ICAM3: variants seen among roughly 807,000 people sequenced by gnomAD.
ICAM3 encodes ICAM-3.
Under a neutral mutation model 43.6 loss-of-function variants are expected in ICAM3, and 54 were observed. The ratio of observed to expected loss-of-function variants is 1.24; its 90% confidence interval spans 0.99 to 1.55. The LOEUF (loss-of-function observed/expected upper bound fraction) is 1.55. Ranked by LOEUF, ICAM3 falls within the 40% of genes most tolerant of loss-of-function variation. The pLI, the probability that ICAM3 is intolerant of heterozygous loss-of-function variation, is 0.00. For synonymous variants in ICAM3, 306 were observed against 312.6 expected, an observed-to-expected ratio of 0.98 and a Z score of 0.22; for missense variants, 715 against 717.9, an observed-to-expected ratio of 1.00 and a Z score of 0.05.
chr19:10,336,852 G>A (rs1376015211), intron 2 of ICAM3, among the ~76,000 whole-genome samples: 3 of 146,946 alleles, frequency 2.0e-5, no homozygotes, highest in African/African-American at 7.5e-5. Flanking sequence ...ACTCATGCCT[G>A]TAATCCCACC....
intron 2 of ICAM3, 113 bp from the exon 3 acceptor site, chr19:10,336,089 A>G: frequency 1.0e-6 from 1 of 974,124 alleles, no homozygotes; most frequent in Non-Finnish European, 1.5e-6. Flanking sequence ...CTTTGAGTTA[A>G]TAAACTTAGA....
chr19:10,333,962 G>T lies in ICAM3; in HGVS notation c.1539C>A (p.His513Gln). 1 of 1,614,148 alleles carries T rather than the reference G, an allele frequency of 6.2e-7. No individual in the cohort carries two copies. Among genetic ancestry groups the T allele is most frequent in the Non-Finnish European group, 8.5e-7 (1 of 1,180,024 alleles). Residue 513 changes from histidine (H) to glutamine (Q), a missense_variant, in exon 7 of 7, where the codon CAC becomes CAA. Coordinates refer to ENST00000160262, the MANE Select transcript of ICAM3 (RefSeq NM_002162.5). The surrounding 1 kb of genome is among the most constrained non-coding windows in gnomAD (Gnocchi z 4.2). ...VLALMYVFRE[H>Q]QRSGSYHVRE... Reference sequence around the variant, plus strand: ...TAACATGGTAACTGCCGCTCCGTTGGTGCTCCCTGAAGACGTACATTAAGG... The same window carrying T: ...TAACATGGTAACTGCCGCTCCGTTGTTGCTCCCTGAAGACGTACATTAAGG...
Position 10,335,882 on chromosome 19 carries a change from G to A in ICAM3, c.438C>T (p.Pro146=), listed in dbSNP as rs1435989005. The A allele has an allele frequency of 6.2e-7, 1 of 1,605,628 alleles. No homozygotes were observed. Among genetic ancestry groups the A allele is most frequent in the Non-Finnish European group, 8.5e-7 (1 of 1,178,544 alleles). The stretch of plus-strand genomic sequence containing the variant: ...GCAGCACCACCGTGAGGCTGGTCCG[G>A]GGCGACCCATCCTCCACTTGGCAGC... ...TLRCQVEDGS[P]RTSLTVVLLR... is the part of the protein sequence containing the mutation. Residue 146 remains proline, a synonymous_variant, in exon 3 of 7, where the codon CCC becomes CCT. Coordinates refer to ENST00000160262, the MANE Select transcript of ICAM3 (RefSeq NM_002162.5).
chr19:10,336,804 C>CAAAAAAAAAA (rs34119863), intron 2 of ICAM3, among the ~76,000 whole-genome samples: 1 of 79,004 alleles, frequency 1.3e-5, no homozygotes, highest in Non-Finnish European at 2.4e-5. Context: ...GACTCTATGT[C>CAAAAAAAAAA]AAAAAAAAAA....
At position 10,335,342 on chromosome 19, in the gene ICAM3, T is replaced by C; in HGVS notation, c.661A>G (p.Thr221Ala). ...RQLRTFVLPV[T>A]PPRLVAPRFL... ...CGGGGGGCCACGAGGCGCGGGGGGG[T>C]CACGGGCAGGACTGGGGAGAAAGGT... Residue 221 changes from threonine to alanine, a missense_variant, in exon 4 of 7, where the codon ACC (threonine) becomes GCC (alanine). Physicochemically the swap from Thr to Ala is moderately conservative, Grantham distance 58. Coordinates refer to ENST00000160262, the MANE Select transcript of ICAM3 (RefSeq NM_002162.5). 6.2e-7 allele frequency: 1 copy of C among 1,605,172 alleles called. No individual in the cohort carries two copies.
In ICAM3 at chr19:10,335,274, T is replaced by C. The variant is rs1325386810; in HGVS notation, c.729A>G (p.Leu243=). The change falls in exon 4 of 7, where the codon CTA becomes CTG. Residue 243 remains leucine, a synonymous_variant. Transcript: ENST00000160262. The stretch of plus-strand genomic sequence containing the variant: ...CCTCTGAGGCTGGAAAAAGCCCGTC[T>C]AGGGTGCAGTCCACCGGCCACGACG... The part of the protein sequence containing the change: ...VETSWPVDCT[L]DGLFPASEAQ... The C allele has an allele frequency of 6.2e-7, 1 of 1,613,260 alleles. No homozygotes were observed. Among genetic ancestry groups the C allele is most frequent in the East Asian group, 2.2e-5 (1 of 44,870 alleles).
chr19:10,333,885 A>G lies in ICAM3; in HGVS notation c.1616T>C (p.Met539Thr), dbSNP rs765025664. The change falls in exon 7 of 7, where the codon ATG becomes ACG. Residue 539 changes from methionine to threonine, a missense_variant. Met to Thr is a moderately conservative substitution (Grantham distance 81, BLOSUM62 -1). Coordinates refer to ENST00000160262, the MANE Select transcript of ICAM3 (RefSeq NM_002162.5). The surrounding 1 kb of genome is among the most constrained non-coding windows in gnomAD (Gnocchi z 4.2). ...PLTSMQPTEA[M>T]GEEPSRAE Reference sequence around the variant, plus strand: ...CTCAGCTCTGGACGGTTCTTCCCCCATTGCTTCTGTCGGCTGCATAGACGT... The same window carrying G: ...CTCAGCTCTGGACGGTTCTTCCCCCGTTGCTTCTGTCGGCTGCATAGACGT... The G allele has an allele frequency of 2.5e-6, 4 of 1,613,796 alleles. No individual in the cohort carries two copies. The African/African-American group carries it at 5.3e-5, about 22-fold the overall frequency.
At position 10,333,872 on chromosome 19, in the gene ICAM3, C is replaced by A; in HGVS notation, c.1629G>T (p.Pro543=). The A allele has an allele frequency of 1.2e-6, 2 of 1,614,160 alleles. No homozygotes were observed. The highest frequency in any genetic ancestry group is 1.7e-6 in the Non-Finnish European group (2 of 1,180,016). Reference sequence around the variant, plus strand: ...GATCCCAGCGTCACTCAGCTCTGGACGGTTCTTCCCCCATTGCTTCTGTCG... The same window carrying A: ...GATCCCAGCGTCACTCAGCTCTGGAAGGTTCTTCCCCCATTGCTTCTGTCG... ...MQPTEAMGEE[P]SRAE is the part of the protein sequence containing the mutation. The change falls in exon 7 of 7, where the codon CCG becomes CCT. Residue 543 remains proline (P), a synonymous_variant. Transcript: ENST00000160262. The surrounding 1 kb of genome is among the most constrained non-coding windows in gnomAD (Gnocchi z 4.2).
Position 10,335,933 on chromosome 19 carries a change from C to T in ICAM3, c.387G>A (p.Gln129=), listed in dbSNP as rs1373305169. ...GCAGGGTGAAGTTCTGGCCCACCGGCTGCCAAGGAGGCAGGGGTGCCAGCT... is the reference window on the plus strand; with the variant it reads ...GCAGGGTGAAGTTCTGGCCCACCGGTTGCCAAGGAGGCAGGGGTGCCAGCT... ...RVELAPLPPW[Q]PVGQNFTLRC... is the part of the protein sequence containing the mutation. Residue 129 remains glutamine (Q), a synonymous_variant, in exon 3 of 7, where the codon CAG becomes CAA. Coordinates refer to ENST00000160262, the MANE Select transcript of ICAM3 (RefSeq NM_002162.5). 6.3e-7 allele frequency: 1 copy of T among 1,582,534 alleles called. No homozygotes were observed. The highest frequency in any genetic ancestry group is 1.1e-5 in the South Asian group (1 of 88,328).
chr19:10,336,285 C>T, intron 2 of ICAM3: 1 of 350,788 alleles, frequency 2.9e-6, no homozygotes, highest in South Asian at 4.8e-5. Flanking sequence ...ATTAAAAATT[C>T]CTGTTTATGG....
chr19:10,334,474 C>G lies in ICAM3; in HGVS notation c.1192+54G>C. On this transcript the variant is annotated intron_variant, in intron 5 of 6. Transcript: ENST00000160262. This position sits in a 1 kb window ranked among gnomAD's most constrained non-coding sequence, Gnocchi z 5.5. ...GAGGCACAGTGGTGCAGAGGAGCGT[C>G]TAATCTTTCCAGGGCAGGGGTGGAG... is the stretch of plus-strand genomic sequence containing the variant. 1 of 1,605,910 alleles carries G rather than the reference C, an allele frequency of 6.2e-7. No homozygotes were observed. Among genetic ancestry groups the G allele is most frequent in the Non-Finnish European group, 8.5e-7 (1 of 1,174,540 alleles).
chr19:10,338,403 CA>C (rs201095769), intron 2 of ICAM3, among the ~76,000 whole-genome samples: 3,327 of 126,252 alleles, frequency 0.026, 106 homozygotes, highest in African/African-American at 0.084. Flanking sequence ...AACTCTGTCT[CA>C]AAAAAAAAAA....
Position 10,334,809 on chromosome 19 carries a change from T to C in ICAM3, c.938-27A>G. The C allele has an allele frequency of 6.4e-7, 1 of 1,553,546 alleles. No homozygotes were observed. Among genetic ancestry groups the C allele is most frequent in the Non-Finnish European group, 8.7e-7 (1 of 1,148,186 alleles). ...TAAAGGCGGGGCATTGCCCAGGAGC[T>C]TAATGAACAGGACCTTCCTGTGGGT... On this transcript the variant is annotated intron_variant, in intron 4 of 6. Coordinates refer to ENST00000160262, the MANE Select transcript of ICAM3 (RefSeq NM_002162.5). This position sits in a 1 kb window ranked among gnomAD's most constrained non-coding sequence, Gnocchi z 5.5.
chr19:10,334,442 C>A lies in ICAM3; in HGVS notation c.1193-34G>T, dbSNP rs1376937073. On this transcript the variant is annotated intron_variant, in intron 5 of 6. Transcript: ENST00000160262. The surrounding 1 kb of genome is among the most constrained non-coding windows in gnomAD (Gnocchi z 5.5). ...CCACCATGTGTGATCAGACACCCAA[C>A]ACACCCGAGGCACAGTGGTGCAGAG... 6.2e-7 allele frequency: 1 copy of A among 1,612,570 alleles called. No individual in the cohort carries two copies. Among genetic ancestry groups the A allele is most frequent in the East Asian group, 2.2e-5 (1 of 44,850 alleles).
rs895766467 is a variant in ICAM3 at position 10,337,736 on chromosome 19, A to C, written c.343+946T>G. 6.2e-4 allele frequency among the ~76,000 whole-genome samples: 94 copies of C among 152,086 alleles called. 1 individual carries two copies. The highest frequency in any genetic ancestry group is 2.2e-3 in the African/African-American group (93 of 41,510). On this transcript the variant is annotated intron_variant, in intron 2 of 6. Transcript: ENST00000160262. ...ACTCCTGGGCTCAAGCGATTCTCCC[A>C]CCTTGGTCCCCCAAGTAGCTGGGAC...
chr19:10,335,550 G>A (rs2040587451), intron 3 of ICAM3, 121 bp downstream of exon 3: 2 of 1,206,980 alleles, frequency 1.7e-6, no homozygotes, highest in Non-Finnish European at 2.3e-6. Context: ...CCAGTGGCCG[G>A]GGGCTTTCCT....
rs1355213591 is a variant in ICAM3, at chr19:10,335,094, C to G, written c.909G>C (p.Arg303=). The part of the protein sequence containing the change: ...VCNVTLGGER[R]EARENLTVFS... ...AGACCGTCAAGTTCTCCCGGGCCTC[C>G]CGTCTCTCGCCCCCTAGGGTCACGT... Residue 303 remains arginine, a synonymous_variant, in exon 4 of 7, where the codon CGG becomes CGC. Coordinates refer to ENST00000160262, the MANE Select transcript of ICAM3 (RefSeq NM_002162.5). The G allele has an allele frequency of 1.2e-6, 2 of 1,613,424 alleles. No individual in the cohort carries two copies. Among genetic ancestry groups the G allele is most frequent in the Admixed American group, 1.7e-5 (1 of 59,986 alleles).
rs1485892739 is a variant in ICAM3, at chr19:10,335,786, C to T, written c.534G>A (p.Leu178=). The change falls in exon 3 of 7, where the codon CTG becomes CTA. Residue 178 remains leucine (L), a synonymous_variant. Transcript: ENST00000160262. ...EEPAEVTATV[L]ASRDDHGAPF... is the part of the protein sequence containing the mutation. ...GGGCTCCGTGGTCGTCTCTGCTGGC[C>T]AGCACAGTGGCAGTGACCTCCGCTG... 1.2e-6 allele frequency: 2 copies of T among 1,612,774 alleles called. No homozygotes were observed. The highest frequency in any genetic ancestry group is 2.2e-5 in the South Asian group (2 of 90,930).
chr19:10,338,546 A>G, intron 2 of ICAM3, 136 bp downstream of exon 2: 2 of 716,612 alleles, frequency 2.8e-6, no homozygotes, highest in Non-Finnish European at 4.6e-6. Flanking sequence ...CTCACACACA[A>G]ATGTCCAGGT....
Sources: allele counts gnomAD v4.1 joint callset (sites outside exome capture counted in the v4.1 genomes callset), GRCh38; gene constraint gnomAD v4.1.1; non-coding constraint Gnocchi (gnomAD v3.1); transcripts MANE v1.5; gene names NCBI Gene and HGNC (gene_info 2026-07-23, HGNC 2026-07-21).